The following CREBBP variants were observed in gnomAD, a reference collection of about 807,000 sequenced individuals.
CREBBP encodes the protein CREB binding lysine acetyltransferase.
Under a neutral mutation model 265.0 loss-of-function variants are expected in CREBBP, and 19 were observed. That is an observed-to-expected ratio of 0.07 (90% CI 0.05 to 0.11). CREBBP has a LOEUF of 0.11. CREBBP is among the 10% of genes least tolerant of loss of function. The pLI is 1.00. For synonymous variants in CREBBP, 1,457 were observed against 1,223.7 expected (o/e 1.19, Z -3.98); for missense variants, 2,525 against 3,219.0 (o/e 0.78, Z 5.22).
At chr16:3,866,205 G>A (rs556743363) in intron 1 of CREBBP, among the ~76,000 whole-genome samples, 2 of 152,124 alleles carry the variant, frequency 1.3e-5, no homozygotes, top group Non-Finnish European at 2.9e-5. Context: ...TGTGACAATC[G>A]ACATGTAACA....
chr16:3,725,787 G>GT lies in CREBBP; in HGVS notation c.*1930dup, dbSNP rs1179072953. The GT allele has an allele frequency of 4.3e-6, 1 of 233,120 alleles. No individual in the cohort carries two copies. The highest frequency in any genetic ancestry group is 8.5e-6 in the Non-Finnish European group (1 of 118,020). 14.4% of individuals were successfully genotyped at this position (233,120 alleles called of 1,614,324 possible). ...AGCTATTTAAAACCTATCTGTGAAT[G>GT]TAAGGGCCCAAACGGAAGCTATTTG... is the stretch of plus-strand genomic sequence containing the variant. On this transcript the variant is annotated 3_prime_UTR_variant, in exon 31 of 31. Coordinates refer to ENST00000262367, the MANE Select transcript of CREBBP (RefSeq NM_004380.3).
At chr16:3,763,371 G>A (rs557266982) in intron 16 of CREBBP, among the ~76,000 whole-genome samples, 9 of 152,092 alleles carry the variant, frequency 5.9e-5, no homozygotes, top group African/African-American at 7.2e-5. Flanking sequence ...ATGTTGCCCA[G>A]GCTGGTCTTG....
At chr16:3,741,185 A>C (rs977063610) in intron 23 of CREBBP, 2 of 168,080 alleles carry the variant, frequency 1.2e-5, no homozygotes, top group Admixed American at 1.1e-4. Context: ...CAGCCCCGGG[A>C]GGGCTACCGT....
chr16:3,815,136 C>G (rs2054013419), intron 2 of CREBBP, among the ~76,000 whole-genome samples: 1 of 152,202 alleles, frequency 6.6e-6, no homozygotes, highest in African/African-American at 2.4e-5. Context: ...GTCCCCCACC[C>G]TAGGCTAACA....
chr16:3,742,495 T>A (rs967982096), intron 23 of CREBBP: 20 of 152,238 alleles, frequency 1.3e-4, no homozygotes, highest in African/African-American at 4.3e-4. Flanking sequence ...TCTTCATCCA[T>A]GGCGCATGAC....
intron 21 of CREBBP, among the ~76,000 whole-genome samples, chr16:3,747,852 G>C (rs952376467): frequency 2.6e-5 from 4 of 152,118 alleles, no homozygotes; most frequent in Non-Finnish European, 5.9e-5. Context: ...CACCTTGAGA[G>C]GCCGAGGCGG....
intron 2 of CREBBP, among the ~76,000 whole-genome samples, chr16:3,815,477 C>G (rs989682062): frequency 6.9e-6 from 1 of 144,460 alleles, no homozygotes; most frequent in Non-Finnish European, 1.5e-5. Flanking sequence ...ATGCAGTGAG[C>G]TGAGATCTTG....
chr16:3,854,584 T>C (rs1170680650), intron 1 of CREBBP, among the ~76,000 whole-genome samples: 1 of 152,240 alleles, frequency 6.6e-6, no homozygotes, highest in Non-Finnish European at 1.5e-5. Flanking sequence ...AAACACCTTC[T>C]CATGGCACGT....
At chr16:3,795,146 T>C (rs905297412) in intron 3 of CREBBP, among the ~76,000 whole-genome samples, 1 of 152,070 alleles carries the variant, frequency 6.6e-6, no homozygotes, top group African/African-American at 2.4e-5. Flanking sequence ...CCCAAAGCAA[T>C]TCTGAGAAGG....
intron 16 of CREBBP, among the ~76,000 whole-genome samples, chr16:3,765,621 A>AT (rs1347677439): frequency 6.6e-6 from 1 of 152,198 alleles, no homozygotes; most frequent in Non-Finnish European, 1.5e-5. Flanking sequence ...AAACTTGTAC[A>AT]TGGGCTTCAC....
chr16:3,871,252 A>T (rs1431479109), intron 1 of CREBBP, among the ~76,000 whole-genome samples: 3 of 151,294 alleles, frequency 2.0e-5, no homozygotes, highest in Non-Finnish European at 4.4e-5. Context: ...TGCAAAACTC[A>T]AATGTGATGT....
At chr16:3,839,582 TGAGGCAGGAAAATTGCTGGAACCCAA>T (rs1425034166) in intron 2 of CREBBP, among the ~76,000 whole-genome samples, 3 of 151,338 alleles carry the variant, frequency 2.0e-5, no homozygotes, top group Non-Finnish European at 2.9e-5. Flanking sequence ...CTCAGGAGGC[TGAGGCAGGAAAATTGCTGGAACCCAA>T]GAGGCAGAGG....
intron 3 of CREBBP, among the ~76,000 whole-genome samples, chr16:3,797,126 G>C (rs535345277): frequency 5.6e-4 from 85 of 152,254 alleles, no homozygotes; most frequent in African/African-American, 2.0e-3. Context: ...CCCACTGGCA[G>C]GCAGGCACTG....
At chr16:3,878,975 T>A (rs2540040) in intron 1 of CREBBP, among the ~76,000 whole-genome samples, 129,138 of 151,712 alleles carry the variant, frequency 0.85, 57,579 homozygotes, top group Non-Finnish European at 0.99. Context: ...AACAAAAAGA[T>A]GATTTATTCA....
chr16:3,850,266 G>T, intron 2 of CREBBP, 31 bp downstream of exon 2: 1 of 1,610,304 alleles, frequency 6.2e-7, no homozygotes, highest in East Asian at 2.2e-5. Flanking sequence ...CGGTTAGGTA[G>T]GAAGTATTGA....
rs771810319 is a variant in CREBBP at position 3,744,978 on chromosome 16, G to T, written c.3915-17C>A. The T allele has an allele frequency of 7.6e-6, 12 of 1,575,416 alleles. No individual in the cohort carries two copies. Among genetic ancestry groups the T allele is most frequent in the Admixed American group, 1.7e-5 (1 of 59,946 alleles). Reference sequence around the variant, plus strand: ...CACACAAAACTGCAAAATAATAGTGGTATGATGAGACTGTATATAATGATG... The same window carrying T: ...CACACAAAACTGCAAAATAATAGTGTTATGATGAGACTGTATATAATGATG... On this transcript the variant is annotated splice_polypyrimidine_tract_variant and intron_variant, in intron 22 of 30. Transcript: ENST00000262367.
At chr16:3,832,079 A>C (rs2054354552) in intron 2 of CREBBP, among the ~76,000 whole-genome samples, 1 of 152,184 alleles carries the variant, frequency 6.6e-6, no homozygotes, top group Non-Finnish European at 1.5e-5. Flanking sequence ...TCAAGAACTT[A>C]AAATGGATAT....
intron 8 of CREBBP, 78 bp from the exon 9 acceptor site, chr16:3,778,895 G>T: frequency 1.6e-6 from 2 of 1,229,000 alleles, no homozygotes; most frequent in Non-Finnish European, 2.4e-6. Flanking sequence ...GTCCAGGCGC[G>T]GTGGCTCACG....
intron 14 of CREBBP, among the ~76,000 whole-genome samples, chr16:3,769,825 C>T (rs866401315): frequency 1.3e-5 from 2 of 151,974 alleles, no homozygotes; most frequent in Non-Finnish European, 2.9e-5. Flanking sequence ...GAACATTACA[C>T]GAAGGAACCA....
Sources: gnomAD v4.1 joint callset for allele counts (sites outside exome capture counted in the v4.1 genomes callset) on GRCh38, gnomAD v4.1.1 for gene constraint, MANE v1.5 for transcripts, NCBI Gene and HGNC (gene_info 2026-07-23, HGNC 2026-07-21) for gene names.